Variants in METTL25 observed in about 807,000 individuals in gnomAD.
METTL25 encodes methyltransferase like 25.
Under a neutral mutation model 71.6 loss-of-function variants are expected in METTL25, and 64 were observed. That is an observed-to-expected ratio of 0.89 (90% CI 0.73 to 1.10). The LOEUF is 1.10. Ranked by LOEUF, METTL25 falls within the 50% of genes least tolerant of loss-of-function variation. The pLI, the probability that METTL25 is intolerant of heterozygous loss-of-function variation, is 0.00. For missense variants in METTL25, 807 were observed against 707.0 expected, an observed-to-expected ratio of 1.14 and a Z score of -1.60; for synonymous variants, 287 against 250.3, an observed-to-expected ratio of 1.15 and a Z score of -1.38.
At position 82,478,903 on chromosome 12, in the gene METTL25, G is replaced by A. The variant is rs1336920390; in HGVS notation, c.1720-29G>A. On this transcript the variant is annotated intron_variant, in intron 11 of 11. Coordinates refer to ENST00000248306, the MANE Select transcript of METTL25 (RefSeq NM_032230.3). Reference sequence around the variant, plus strand: ...TAATTTTTTTCTTCAACAAATGGTTGTATATCTAAATCACTTATTAATTTA... The same window carrying A: ...TAATTTTTTTCTTCAACAAATGGTTATATATCTAAATCACTTATTAATTTA... 8 of 1,558,218 alleles carry A rather than the reference G, an allele frequency of 5.1e-6. No homozygotes were observed. In the South Asian group the frequency reaches 9.1e-5, roughly 18 times the overall value.
rs199785052 is a variant in METTL25, at chr12:82,440,561, AT to A, written c.1478+1779del. Among the ~76,000 whole-genome samples, 46 of 151,446 alleles carry A rather than the reference AT, an allele frequency of 3.0e-4. No homozygotes were observed. The East Asian group carries it at 5.4e-3, about 18-fold the overall frequency. On this transcript the variant is annotated intron_variant, in intron 8 of 11. Transcript: ENST00000248306. ...TTAGTTATCAAGATTTGTACATGTT[AT>A]TTTTTTTTAATCCAGAATTTATTTA...
intron 3 of METTL25, among the ~76,000 whole-genome samples, chr12:82,394,169 G>C (rs1334564610): frequency 6.6e-6 from 1 of 151,988 alleles, no homozygotes; most frequent in Non-Finnish European, 1.5e-5. Flanking sequence ...ACATGAAGCT[G>C]TTGGGTGAAA....
At position 82,399,169 on chromosome 12, in the gene METTL25, A is replaced by G. The variant is rs1317041954; in HGVS notation, c.906A>G (p.Gln302=). 6.2e-7 allele frequency: 1 copy of G among 1,613,514 alleles called. No homozygotes were observed. The highest frequency in any genetic ancestry group is 8.5e-7 in the Non-Finnish European group (1 of 1,179,806). The change falls in exon 4 of 12, where the codon CAA becomes CAG. Residue 302 remains glutamine (Q), a synonymous_variant. Transcript: ENST00000248306. ...QMETLHSQPH[Q]EENLCFENSF... is the part of the protein sequence containing the mutation. Reference sequence around the variant, plus strand: ...AAACCCTTCATTCTCAGCCACATCAAGAAGAAAATTTGTGTTTTGAAAATT... The same window carrying G: ...AAACCCTTCATTCTCAGCCACATCAGGAAGAAAATTTGTGTTTTGAAAATT...
chr12:82,378,452 C>G (rs1884105284), intron 1 of METTL25, among the ~76,000 whole-genome samples: 1 of 152,166 alleles, frequency 6.6e-6, no homozygotes, highest in African/African-American at 2.4e-5. Context: ...AAAGACCTTT[C>G]ACTTCTTCCT....
At chr12:82,393,552 A>G (rs748606388) in intron 3 of METTL25, among the ~76,000 whole-genome samples, 6 of 152,050 alleles carry the variant, frequency 3.9e-5, no homozygotes, top group Non-Finnish European at 7.4e-5. Context: ...GTATAAGATC[A>G]TATCATCTGT....
At chr12:82,428,234 T>G (rs927276549) in intron 5 of METTL25, among the ~76,000 whole-genome samples, 1 of 151,880 alleles carries the variant, frequency 6.6e-6, no homozygotes, top group Non-Finnish European at 1.5e-5. Flanking sequence ...GCTATCCTAG[T>G]AGTTGCATGG....
intron 8 of METTL25, among the ~76,000 whole-genome samples, chr12:82,447,179 A>G (rs1419784678): frequency 6.6e-6 from 1 of 152,144 alleles, no homozygotes; most frequent in Middle Eastern, 3.2e-3. Flanking sequence ...AATGAAAACA[A>G]CTTAGCATTA....
chr12:82,472,569 GC>G (rs1892634075), intron 9 of METTL25, among the ~76,000 whole-genome samples: 1 of 152,164 alleles, frequency 6.6e-6, no homozygotes, highest in Non-Finnish European at 1.5e-5. Context: ...CTGCACTCCA[GC>G]CTGGGCAATA....
At chr12:82,360,212 C>T (rs1368444201) in intron 1 of METTL25, among the ~76,000 whole-genome samples, 1 of 152,090 alleles carries the variant, frequency 6.6e-6, no homozygotes, top group Admixed American at 6.5e-5. Context: ...GCCTGGTCTC[C>T]AGACAATGGT....
chr12:82,475,312 TG>T (rs1407213214), intron 9 of METTL25, among the ~76,000 whole-genome samples: 1 of 152,178 alleles, frequency 6.6e-6, no homozygotes, highest in Non-Finnish European at 1.5e-5. Flanking sequence ...TACAAAAGTT[TG>T]CTCCAGCAGG....
At chr12:82,437,535 T>G (rs559317643) in intron 7 of METTL25, among the ~76,000 whole-genome samples, 1 of 151,634 alleles carries the variant, frequency 6.6e-6, no homozygotes, top group African/African-American at 2.4e-5. Context: ...TATGGGAAGT[T>G]AATGTTAAAT....
At chr12:82,432,799 T>G (rs951023283) in intron 6 of METTL25, among the ~76,000 whole-genome samples, 3 of 151,124 alleles carry the variant, frequency 2.0e-5, no homozygotes, top group Admixed American at 1.3e-4. Context: ...TATATCTTAT[T>G]TTATTGCCTT....
At position 82,479,031 on chromosome 12, in the gene METTL25, T is replaced by C. The variant is rs767138891; in HGVS notation, c.*7T>C. ...CCTGAAGAAGCAGCAGTGATTTCCA[T>C]TGAAGCAAATTATTAGATGTATTTC... On this transcript the variant is annotated 3_prime_UTR_variant, in exon 12 of 12. Coordinates refer to ENST00000248306, the MANE Select transcript of METTL25 (RefSeq NM_032230.3). 16 of 1,608,630 alleles carry C rather than the reference T, an allele frequency of 9.9e-6. No homozygotes were observed. Among genetic ancestry groups the C allele is most frequent in the African/African-American group, 5.3e-5 (4 of 74,786 alleles).
intron 9 of METTL25, among the ~76,000 whole-genome samples, chr12:82,472,966 G>T (rs995277513): frequency 6.6e-6 from 1 of 152,152 alleles, no homozygotes; most frequent in African/African-American, 2.4e-5. Flanking sequence ...AGTAGGTTTC[G>T]TAAGTAAAGG....
At chr12:82,473,963 A>G (rs1892725159) in intron 9 of METTL25, among the ~76,000 whole-genome samples, 1 of 152,076 alleles carries the variant, frequency 6.6e-6, no homozygotes, top group African/African-American at 2.4e-5. Context: ...TGACTTTCAG[A>G]GCAGGGTGCA....
At position 82,387,817 on chromosome 12, in the gene METTL25, A is replaced by G. The variant is rs1402364051; in HGVS notation, c.424+850A>G. Among the ~76,000 whole-genome samples the G allele has an allele frequency of 2.0e-5, 3 of 152,256 alleles. No individual in the cohort carries two copies. The East Asian group carries it at 5.8e-4, about 29-fold the overall frequency. ...CTTCACTCTGTATCTCAAAATAACA[A>G]GGGCATTTTCCTACACATCTCATAG... is the stretch of plus-strand genomic sequence containing the variant. On this transcript the variant is annotated intron_variant, in intron 2 of 11. Coordinates refer to ENST00000248306, the MANE Select transcript of METTL25 (RefSeq NM_032230.3).
At chr12:82,365,610 AATC>A (rs1387073799) in intron 1 of METTL25, among the ~76,000 whole-genome samples, 1 of 152,230 alleles carries the variant, frequency 6.6e-6, no homozygotes, top group Non-Finnish European at 1.5e-5. Flanking sequence ...TTCTCAGCAG[AATC>A]ATCATTGATC....
intron 1 of METTL25, among the ~76,000 whole-genome samples, chr12:82,382,131 A>T (rs1192535872): frequency 1.3e-5 from 2 of 152,230 alleles, no homozygotes; most frequent in African/African-American, 4.8e-5. Context: ...TGGGAGCATG[A>T]AAATGTTCAG....
rs1488435507 is a variant in METTL25, at chr12:82,434,190, AAT to A, written c.1375-503_1375-502del. Among the ~76,000 whole-genome samples the A allele has an allele frequency of 6.6e-5, 10 of 151,520 alleles. No homozygotes were observed. In the East Asian group the frequency reaches 1.6e-3, roughly 24 times the overall value. Reference sequence around the variant, plus strand: ...GAATTTGTAGATCACACAGACCAAAAATACATATAGTTTTCCAAAATAAGTTT... The same window carrying A: ...GAATTTGTAGATCACACAGACCAAAAACATATAGTTTTCCAAAATAAGTTT... On this transcript the variant is annotated intron_variant, in intron 6 of 11. Coordinates refer to ENST00000248306, the MANE Select transcript of METTL25 (RefSeq NM_032230.3).
Sources: allele counts gnomAD v4.1 joint callset (sites outside exome capture counted in the v4.1 genomes callset), GRCh38; gene constraint gnomAD v4.1.1; transcripts MANE v1.5; gene names NCBI Gene and HGNC (gene_info 2026-07-23, HGNC 2026-07-21).